MPRIP: variants seen among roughly 807,000 people sequenced by gnomAD.
The protein encoded by MPRIP is myosin phosphatase Rho interacting protein.
Under a neutral mutation model 234.9 loss-of-function variants are expected in MPRIP, and 59 were observed. The observed-to-expected ratio is 0.25, with a 90% CI of 0.20 to 0.31. The LOEUF is 0.31. Among genes scored for constraint, MPRIP ranks in the 10% least tolerant of loss-of-function variants. The pLI, the probability that MPRIP is intolerant of heterozygous loss-of-function variation, is 1.00. For synonymous variants in MPRIP, 1,144 were observed against 1,263.9 expected (o/e 0.91, Z 2.01); for missense variants, 2,436 against 3,071.0 (o/e 0.79, Z 4.89).
chr17:17,168,632 T>C (rs938677584), intron 16 of MPRIP: 15 of 350,800 alleles, frequency 4.3e-5, no homozygotes, highest in Non-Finnish European at 2.8e-5. Context: ...GGCCCAGCTG[T>C]CTGGCCCCAC....
chr17:17,108,897 G>A (rs188239463), intron 3 of MPRIP, among the ~76,000 whole-genome samples: 1 of 152,274 alleles, frequency 6.6e-6, no homozygotes, highest in East Asian at 1.9e-4. Flanking sequence ...AGGCAAGCTG[G>A]GACACAGGAA....
chr17:17,178,201 G>A (rs909301222), intron 22 of MPRIP, among the ~76,000 whole-genome samples: 1 of 152,136 alleles, frequency 6.6e-6, no homozygotes, highest in Non-Finnish European at 1.5e-5. Flanking sequence ...GAGATTACAG[G>A]TGTGAGCCAC....
rs1331861226 is a variant in MPRIP, at chr17:17,165,461, G to T, written c.3870G>T (p.Val1290=). ...DGSPSREDSM[V]PPKSVEVLDR... ...GCCCCAGTAGGGAAGACAGCATGGT[G>T]CCCCCAAAGTCAGTGGAAGTGCTTG... The change falls in exon 16 of 24, where the codon GTG becomes GTT. Residue 1290 remains valine (V), a synonymous_variant. Transcript: ENST00000651222. The T allele has an allele frequency of 2.3e-6, 3 of 1,304,150 alleles. No homozygotes were observed. In the African/African-American group the frequency reaches 4.6e-5, roughly 20 times the overall value. The allele number at this position is 1,304,150 out of a possible 1,614,324, so 80.8% of individuals were successfully genotyped here. A position where few individuals can be genotyped will look rare whatever the true frequency, so the allele number is the denominator to read the frequency against.
At chr17:17,051,440 C>A (rs1011775503) in intron 1 of MPRIP, among the ~76,000 whole-genome samples, 5 of 152,202 alleles carry the variant, frequency 3.3e-5, no homozygotes, top group Non-Finnish European at 7.3e-5. Flanking sequence ...AGCTGAATGA[C>A]ACCGTTGGAC....
intron 3 of MPRIP, among the ~76,000 whole-genome samples, chr17:17,096,155 C>T (rs1310569602): frequency 6.6e-6 from 1 of 152,164 alleles, no homozygotes; most frequent in Non-Finnish European, 1.5e-5. Context: ...ATGGGCATAT[C>T]GTGCCTGCCT....
chr17:17,114,745 C>G (rs2090249518), intron 3 of MPRIP, among the ~76,000 whole-genome samples: 1 of 152,152 alleles, frequency 6.6e-6, no homozygotes, highest in African/African-American at 2.4e-5. Flanking sequence ...GAAGGTGGGC[C>G]TTAACTGGGT....
At chr17:17,089,902 G>A (rs1323383624) in intron 3 of MPRIP, among the ~76,000 whole-genome samples, 1 of 152,156 alleles carries the variant, frequency 6.6e-6, no homozygotes, top group Non-Finnish European at 1.5e-5. Context: ...CTCCGGTTGG[G>A]GCAGTGTGGA....
At chr17:17,112,393 C>T (rs1383405672) in intron 3 of MPRIP, among the ~76,000 whole-genome samples, 2 of 152,210 alleles carry the variant, frequency 1.3e-5, no homozygotes, top group African/African-American at 4.8e-5. Flanking sequence ...CTCTCTTCCC[C>T]CCGTATCATG....
intron 5 of MPRIP, among the ~76,000 whole-genome samples, chr17:17,133,967 C>T (rs1009389399): frequency 1.3e-5 from 2 of 152,144 alleles, no homozygotes; most frequent in Non-Finnish European, 1.5e-5. Flanking sequence ...GTGCAGGCCC[C>T]GGGTCTCCAC....
chr17:17,054,276 C>A (rs2088627708), intron 1 of MPRIP, among the ~76,000 whole-genome samples: 2 of 152,170 alleles, frequency 1.3e-5, no homozygotes, highest in Non-Finnish European at 2.9e-5. Context: ...CCTCCTACCA[C>A]CAGGAAGTTC....
At chr17:17,111,145 TAAAAAAAAAAACCA>T (rs1420106367) in intron 3 of MPRIP, among the ~76,000 whole-genome samples, 1 of 96,172 alleles carries the variant, frequency 1.0e-5, no homozygotes, top group African/African-American at 4.3e-5. Flanking sequence ...TTTAAAAGTT[TAAAAAAAAAAACCA>T]AAAAAAAAAG....
intron 7 of MPRIP, among the ~76,000 whole-genome samples, chr17:17,139,627 AG>A (rs1173491976): frequency 1.4e-4 from 22 of 152,182 alleles, no homozygotes; most frequent in African/African-American, 4.8e-4. Context: ...GGGCAGGTGG[AG>A]GGAAGTGTCT....
chr17:17,046,798 G>T (rs916404747), intron 1 of MPRIP, among the ~76,000 whole-genome samples: 8 of 152,190 alleles, frequency 5.3e-5, no homozygotes, highest in African/African-American at 1.9e-4. Context: ...TGTCACAACT[G>T]TGCAGACTTT....
intron 7 of MPRIP, among the ~76,000 whole-genome samples, chr17:17,140,145 T>G (rs1467193872): frequency 3.3e-5 from 5 of 152,150 alleles, no homozygotes; most frequent in African/African-American, 4.8e-5. Context: ...CAGGGGAGGC[T>G]TCATGCTGGC....
chr17:17,116,518 C>T (rs937442696), intron 3 of MPRIP, among the ~76,000 whole-genome samples: 1 of 152,190 alleles, frequency 6.6e-6, no homozygotes, highest in Non-Finnish European at 1.5e-5. Context: ...GGGGCTGTTC[C>T]TGTTGAATCA....
At chr17:17,153,882 C>T (rs1298914340) in intron 12 of MPRIP, among the ~76,000 whole-genome samples, 1 of 152,142 alleles carries the variant, frequency 6.6e-6, no homozygotes, top group South Asian at 2.1e-4. Context: ...GCAGGTGCCA[C>T]TCCCCACGCC....
At chr17:17,135,745 G>A (rs2090682768) in intron 5 of MPRIP, among the ~76,000 whole-genome samples, 1 of 152,196 alleles carries the variant, frequency 6.6e-6, no homozygotes, top group South Asian at 2.1e-4. Context: ...CACCTTGGGG[G>A]TTAGGATTTC....
intron 3 of MPRIP, among the ~76,000 whole-genome samples, chr17:17,087,115 G>T (rs1338604583): frequency 6.6e-6 from 1 of 152,216 alleles, no homozygotes; most frequent in East Asian, 1.9e-4. Context: ...AGCCAGCAAA[G>T]GTTAATCATG....
At chr17:17,147,149 G>A (rs113050370) in intron 10 of MPRIP, among the ~76,000 whole-genome samples, 170 bp from the exon 11 acceptor site, 6 of 152,258 alleles carry the variant, frequency 3.9e-5, no homozygotes, top group African/African-American at 1.2e-4. Context: ...ATGGCTGCCT[G>A]CAGTCCGAGC....
Sources: gnomAD v4.1 joint callset for allele counts (sites outside exome capture counted in the v4.1 genomes callset) on GRCh38, gnomAD v4.1.1 for gene constraint, MANE v1.5 for transcripts, NCBI Gene and HGNC (gene_info 2026-07-23, HGNC 2026-07-21) for gene names.